CAMTA1: variants seen among roughly 807,000 people sequenced by gnomAD.
CAMTA1 encodes calmodulin binding transcription activator 1.
CAMTA1 carries 27 observed loss-of-function variants against 170.9 expected under a neutral mutation model. The ratio of observed to expected loss-of-function variants is 0.16; its 90% CI spans 0.12 to 0.22. CAMTA1 has a LOEUF of 0.22. CAMTA1 is among the 10% of genes least tolerant of loss of function. The probability of loss-of-function intolerance (pLI) is 1.00; values close to 1 mark genes in which losing one functional copy is unlikely to be tolerated. For synonymous variants in CAMTA1, 833 were observed against 891.5 expected (o/e 0.93, Z 1.17); for missense variants, 1,619 against 2,217.2 (o/e 0.73, Z 5.42).
At chr1:7,734,034 G>A (rs914055058) in intron 12 of CAMTA1, among the ~76,000 whole-genome samples, 7 of 152,056 alleles carry the variant, frequency 4.6e-5, no homozygotes, top group Non-Finnish European at 7.4e-5. Flanking sequence ...TGCAGCCTCC[G>A]CCTCCGAGGT....
intron 5 of CAMTA1, among the ~76,000 whole-genome samples, chr1:7,267,287 A>T (rs796992927): frequency 3.3e-5 from 5 of 152,210 alleles, no homozygotes; most frequent in Admixed American, 2.6e-4. Flanking sequence ...GAAGTCATCA[A>T]TTCATATCCA....
At chr1:7,034,040 T>A (rs193128132) in intron 3 of CAMTA1, among the ~76,000 whole-genome samples, 87 of 152,356 alleles carry the variant, frequency 5.7e-4, no homozygotes, top group Non-Finnish European at 9.6e-4. Flanking sequence ...TACCCACTAC[T>A]GAGGTAAAAC....
At chr1:7,512,271 A>G (rs1232595538) in intron 6 of CAMTA1, among the ~76,000 whole-genome samples, 1 of 152,258 alleles carries the variant, frequency 6.6e-6, no homozygotes, top group Non-Finnish European at 1.5e-5. Context: ...GGGCAGAATC[A>G]TCAGTTATGT....
At chr1:7,552,513 G>A (rs934282140) in intron 6 of CAMTA1, among the ~76,000 whole-genome samples, 6 of 152,242 alleles carry the variant, frequency 3.9e-5, no homozygotes, top group African/African-American at 1.2e-4. Context: ...ACAGGGGTGG[G>A]ACAGGAGCAG....
intron 6 of CAMTA1, among the ~76,000 whole-genome samples, chr1:7,500,424 C>T (rs2093985079): frequency 1.3e-5 from 2 of 150,660 alleles, no homozygotes; most frequent in South Asian, 4.2e-4. Context: ...ATGGTGTGAG[C>T]CTGTTGTGTG....
chr1:7,227,431 G>A (rs111788127), intron 4 of CAMTA1, among the ~76,000 whole-genome samples: 8,888 of 151,770 alleles, frequency 0.059, 841 homozygotes, highest in African/African-American at 0.2. Context: ...GGGTTCAAGC[G>A]ATTCTCCTGC....
chr1:7,211,070 G>C (rs1218368824), intron 4 of CAMTA1, among the ~76,000 whole-genome samples: 4 of 152,116 alleles, frequency 2.6e-5, no homozygotes, highest in Non-Finnish European at 4.4e-5. Flanking sequence ...GTTCTTTAAT[G>C]AACATTTTAT....
Position 7,738,699 on chromosome 1 carries a change from G to A in CAMTA1, c.4182+217G>A, listed in dbSNP as rs968093617. Among the ~76,000 whole-genome samples the A allele has an allele frequency of 1.3e-5, 2 of 152,096 alleles. No individual in the cohort carries two copies. Among genetic ancestry groups the A allele is most frequent in the African/African-American group, 4.8e-5 (2 of 41,392 alleles). ...GTAGGGCCTGAATACCAGTGACCCCGGTCTCAGCAAAGCCTTCCCTCTTTG... is the reference window on the plus strand; with the variant it reads ...GTAGGGCCTGAATACCAGTGACCCCAGTCTCAGCAAAGCCTTCCCTCTTTG... On this transcript the variant is annotated intron_variant, in intron 16 of 22. Transcript: ENST00000303635. The surrounding 1 kb of genome is among the most constrained non-coding windows in gnomAD (Gnocchi z 4.9).
At chr1:7,496,070 A>G (rs1007752643) in intron 6 of CAMTA1, among the ~76,000 whole-genome samples, 3 of 152,116 alleles carry the variant, frequency 2.0e-5, no homozygotes, top group Admixed American at 6.5e-5. Flanking sequence ...AGGGAGCCGG[A>G]GGGGAGCGGC....
chr1:7,472,254 G>C (rs538149550), intron 6 of CAMTA1, among the ~76,000 whole-genome samples: 2 of 152,118 alleles, frequency 1.3e-5, no homozygotes, highest in African/African-American at 4.8e-5. Flanking sequence ...AGTGCAGGTC[G>C]GGGCTCCCAC....
chr1:7,729,381 G>T (rs1383790257), intron 11 of CAMTA1, among the ~76,000 whole-genome samples: 1 of 152,164 alleles, frequency 6.6e-6, no homozygotes, highest in African/African-American at 2.4e-5. Context: ...CTCTCAAAGT[G>T]GTGGGATTAC....
chr1:7,051,187 G>A (rs1000112745), intron 3 of CAMTA1, among the ~76,000 whole-genome samples: 2 of 152,274 alleles, frequency 1.3e-5, no homozygotes, highest in South Asian at 2.1e-4. Flanking sequence ...GGGTCTGAAC[G>A]TTCTCTCCCA....
intron 5 of CAMTA1, among the ~76,000 whole-genome samples, chr1:7,272,030 T>C (rs1199340423): frequency 6.6e-6 from 1 of 152,140 alleles, no homozygotes; most frequent in Middle Eastern, 3.4e-3. Context: ...ATTTAAAGAA[T>C]AATAACACAA....
chr1:6,806,669 G>A (rs1340901717), intron 1 of CAMTA1, among the ~76,000 whole-genome samples: 3 of 152,102 alleles, frequency 2.0e-5, no homozygotes, highest in Admixed American at 6.5e-5. Flanking sequence ...TTGACTTCCT[G>A]TAGTAAATGT....
chr1:7,151,666 C>T (rs1646586783), intron 4 of CAMTA1, among the ~76,000 whole-genome samples: 1 of 152,232 alleles, frequency 6.6e-6, no homozygotes. Context: ...TTCTTAGAGC[C>T]TCCTCCAGAG....
At chr1:6,964,325 G>C (rs1248483724) in intron 3 of CAMTA1, among the ~76,000 whole-genome samples, 1 of 143,754 alleles carries the variant, frequency 7.0e-6, no homozygotes, top group Non-Finnish European at 1.6e-5. Flanking sequence ...TGCCCCCGGA[G>C]GGTGCAGCGT....
intron 5 of CAMTA1, among the ~76,000 whole-genome samples, chr1:7,428,732 C>T (rs2091999892): frequency 6.6e-6 from 1 of 152,074 alleles, no homozygotes; most frequent in African/African-American, 2.4e-5. Flanking sequence ...CCATGACTGC[C>T]CCACCCCACC....
At chr1:7,710,290 A>G (rs1209176862) in intron 11 of CAMTA1, among the ~76,000 whole-genome samples, 7 of 152,180 alleles carry the variant, frequency 4.6e-5, no homozygotes, top group African/African-American at 2.4e-5. Flanking sequence ...ACTCCACCTC[A>G]GACTGGCTTA....
rs1303815702 is a variant in CAMTA1 at position 7,286,481 on chromosome 1, A to G, written c.438+36855A>G. On this transcript the variant is annotated intron_variant, in intron 5 of 22. Transcript: ENST00000303635. The surrounding 1 kb of genome is among the most constrained non-coding windows in gnomAD (Gnocchi z 4.2). ...AATCTCTTCTCTTTGGGCTGGAATC[A>G]TGAACGTTCAGGGTCGTCACCCTCA... is the stretch of plus-strand genomic sequence containing the variant. Among the ~76,000 whole-genome samples the G allele has an allele frequency of 1.3e-5, 2 of 152,154 alleles. No homozygotes were observed. Among genetic ancestry groups the G allele is most frequent in the African/African-American group, 4.8e-5 (2 of 41,438 alleles).
Sources: allele counts gnomAD v4.1 joint callset (sites outside exome capture counted in the v4.1 genomes callset), GRCh38; gene constraint gnomAD v4.1.1; non-coding constraint Gnocchi (gnomAD v3.1); transcripts MANE v1.5; gene names NCBI Gene and HGNC (gene_info 2026-07-23, HGNC 2026-07-21).